The following SPTLC2 variants were observed in gnomAD, a reference collection of about 807,000 sequenced individuals.
SPTLC2 encodes serine palmitoyltransferase long chain base subunit 2.
In SPTLC2, 21 loss-of-function variants were observed where a neutral mutation model predicts 62.0. The ratio of observed to expected loss-of-function variants is 0.34; its 90% CI spans 0.24 to 0.49. The LOEUF is 0.49. Ranked by LOEUF, SPTLC2 falls within the 20% of genes least tolerant of loss-of-function variation. The pLI is 0.99. For synonymous variants in SPTLC2, 261 were observed against 261.8 expected (o/e 1.00, Z 0.03); for missense variants, 511 against 713.0 (o/e 0.72, Z 3.23).
intron 6 of SPTLC2, among the ~76,000 whole-genome samples, chr14:77,561,742 C>T (rs751685654): frequency 6.6e-5 from 10 of 152,158 alleles, no homozygotes; most frequent in Non-Finnish European, 1.0e-4. Context: ...TATGATCCTT[C>T]CATCCACGGG....
At chr14:77,571,436 G>A (rs2079682038) in intron 4 of SPTLC2, among the ~76,000 whole-genome samples, 1 of 150,866 alleles carries the variant, frequency 6.6e-6, no homozygotes, top group Non-Finnish European at 1.5e-5. Context: ...TTGAACCTGG[G>A]AGGCAGAGGT....
At position 77,510,827 on chromosome 14, in the gene SPTLC2, G is replaced by GT. The variant is rs1315016378; in HGVS notation, c.*1456dup. 7 of 152,514 alleles carry GT rather than the reference G, an allele frequency of 4.6e-5. No individual in the cohort carries two copies. The highest frequency in any genetic ancestry group is 8.8e-5 in the Non-Finnish European group (6 of 68,008). The allele number at this position is 152,514 out of a possible 1,614,324, so 9.4% of individuals were successfully genotyped here. On this transcript the variant is annotated 3_prime_UTR_variant, in exon 12 of 12. Coordinates refer to ENST00000216484, the MANE Select transcript of SPTLC2 (RefSeq NM_004863.4). ...CCATTCTGTTCCCAATCCTTCTCCTGTAATACTTGATGGATACAAAAAGAC... is the reference window on the plus strand; with the variant it reads ...CCATTCTGTTCCCAATCCTTCTCCTGTTAATACTTGATGGATACAAAAAGAC...
chr14:77,592,939 TA>T (rs1432398934), intron 2 of SPTLC2, among the ~76,000 whole-genome samples: 1 of 151,896 alleles, frequency 6.6e-6, no homozygotes, highest in East Asian at 1.9e-4. Context: ...TTGTATCTAC[TA>T]AAAATACAAA....
chr14:77,555,433 C>T lies in SPTLC2; in HGVS notation c.1043G>A (p.Ser348Asn). Reference sequence around the variant, plus strand: ...GCCTGTGGGGCCCAGGGCGCCAATGCTGTGAGCCTCATCCAGATACAAGTA... The same window carrying T: ...GCCTGTGGGGCCCAGGGCGCCAATGTTGTGAGCCTCATCCAGATACAAGTA... ...KAYLYLDEAH[S>N]IGALGPTGRG... Residue 348 changes from serine to asparagine, a missense_variant, in exon 8 of 12, where the codon AGC becomes AAC. Coordinates refer to ENST00000216484, the MANE Select transcript of SPTLC2 (RefSeq NM_004863.4). 1 of 1,614,224 alleles carries T rather than the reference C, an allele frequency of 6.2e-7. No individual in the cohort carries two copies. Among genetic ancestry groups the T allele is most frequent in the Non-Finnish European group, 8.5e-7 (1 of 1,180,042 alleles).
intron 5 of SPTLC2, among the ~76,000 whole-genome samples, chr14:77,565,242 CAAAAAAAAAAAAA>C (rs59356054): frequency 5.9e-5 from 2 of 33,692 alleles, no homozygotes; most frequent in Non-Finnish European, 9.9e-5. Context: ...AACTCCATCT[CAAAAAAAAAAAAA>C]AAAAAAAAAA....
In SPTLC2 at chr14:77,608,849, C is replaced by T. The variant is rs544762560; in HGVS notation, c.132+7599G>A. ...CAGGAGAATCATTTGAACTTGGAGG[C>T]GGAGGTTGCAGTGAGCCGAGATCAC... On this transcript the variant is annotated intron_variant, in intron 1 of 11. Transcript: ENST00000216484. 4.6e-5 allele frequency among the ~76,000 whole-genome samples: 7 copies of T among 151,100 alleles called. No homozygotes were observed. The South Asian group carries it at 1.5e-3, about 32-fold the overall frequency.
rs1355725205 is a variant in SPTLC2, at chr14:77,576,902, T to A, written c.496A>T (p.Ile166Leu). ...YNWSFKYTGN[I>L]IKGVINMGSY... The stretch of plus-strand genomic sequence containing the variant: ...CCCATGTTTATAACACCCTTTATTA[T>A]ATTCCCTGTATACCTGTGCATCAAT... The change falls in exon 4 of 12, where the codon ATA (isoleucine) becomes TTA (leucine). Residue 166 changes from isoleucine to leucine, a missense_variant. By Grantham distance (5) the Ile-to-Leu change is conservative. Transcript: ENST00000216484. The A allele has an allele frequency of 3.1e-6, 5 of 1,614,136 alleles. No homozygotes were observed. The highest frequency in any genetic ancestry group is 4.2e-6 in the Non-Finnish European group (5 of 1,180,032).
chr14:77,567,139 T>C (rs1159507285), intron 5 of SPTLC2, among the ~76,000 whole-genome samples: 1 of 151,660 alleles, frequency 6.6e-6, no homozygotes, highest in Non-Finnish European at 1.5e-5. Flanking sequence ...CCCGGCTAAT[T>C]TGTTGTATTT....
chr14:77,593,756 C>G (rs2079831726), intron 2 of SPTLC2, among the ~76,000 whole-genome samples: 1 of 152,166 alleles, frequency 6.6e-6, no homozygotes, highest in East Asian at 1.9e-4. Flanking sequence ...GAATACCACT[C>G]TCTCAGTGAA....
intron 9 of SPTLC2, among the ~76,000 whole-genome samples, chr14:77,525,620 A>T (rs986637608): frequency 1.3e-5 from 2 of 151,064 alleles, no homozygotes; most frequent in South Asian, 4.2e-4. Context: ...AAAAAAATTT[A>T]AAAAGGAGGG....
intron 8 of SPTLC2, among the ~76,000 whole-genome samples, chr14:77,554,598 T>G (rs2079572864): frequency 6.6e-6 from 1 of 152,236 alleles, no homozygotes; most frequent in East Asian, 1.9e-4. Flanking sequence ...AAACCCTTAC[T>G]ACAATCTTAC....
At chr14:77,539,506 T>TTTTTTG (rs374182497) in intron 9 of SPTLC2, among the ~76,000 whole-genome samples, 4 of 80,158 alleles carry the variant, frequency 5.0e-5, no homozygotes, top group East Asian at 5.2e-4. Flanking sequence ...TTTTTTTTTT[T>TTTTTTG]GGAGATGGGG....
rs915278820 is a variant in SPTLC2, at chr14:77,569,773, A to ATAATATG, written c.756+604_756+610dup. The stretch of plus-strand genomic sequence containing the variant: ...ACTTGGGGATATATATATTATATAT[A>ATAATATG]TAATATGTAATATGTAATATATATA... On this transcript the variant is annotated intron_variant, in intron 5 of 11. Coordinates refer to ENST00000216484, the MANE Select transcript of SPTLC2 (RefSeq NM_004863.4). Among the ~76,000 whole-genome samples, 3 of 135,408 alleles carry ATAATATG rather than the reference A, an allele frequency of 2.2e-5. No individual in the cohort carries two copies. In the Admixed American group the frequency reaches 2.5e-4, roughly 11 times the overall value. The allele number at this position is 135,408 out of a possible 152,430, so 88.8% of individuals were successfully genotyped here.
At chr14:77,542,451 G>C (rs899920295) in intron 9 of SPTLC2, among the ~76,000 whole-genome samples, 1 of 152,168 alleles carries the variant, frequency 6.6e-6, no homozygotes, top group Non-Finnish European at 1.5e-5. Flanking sequence ...TCGTGCCCCA[G>C]AGAACAGTCT....
intron 9 of SPTLC2, among the ~76,000 whole-genome samples, chr14:77,530,721 G>C (rs2079433985): frequency 6.6e-6 from 1 of 152,192 alleles, no homozygotes; most frequent in Non-Finnish European, 1.5e-5. Flanking sequence ...CTGATGCCCA[G>C]TGAGGTTACA....
Position 77,579,267 on chromosome 14 carries a change from G to A in SPTLC2, c.328-158C>T, listed in dbSNP as rs986307911. 7.2e-5 allele frequency among the ~76,000 whole-genome samples: 11 copies of A among 152,004 alleles called. No individual in the cohort carries two copies. In the East Asian group the frequency reaches 1.2e-3, roughly 16 times the overall value. On this transcript the variant is annotated intron_variant, in intron 2 of 11. Transcript: ENST00000216484. ...GTAATGGACAAGTCAGGGATTTTACGGTATCAGTCATTCAAATAACACACA... is the reference window on the plus strand; with the variant it reads ...GTAATGGACAAGTCAGGGATTTTACAGTATCAGTCATTCAAATAACACACA...
At chr14:77,581,405 C>CT (rs1159561282) in intron 2 of SPTLC2, among the ~76,000 whole-genome samples, 1,781 of 93,974 alleles carry the variant, frequency 0.019, 77 homozygotes, top group African/African-American at 0.052. Context: ...TACCATCTCT[C>CT]TTTTTTTTTT....
intron 2 of SPTLC2, among the ~76,000 whole-genome samples, chr14:77,595,631 A>G (rs900941841): frequency 1.3e-5 from 2 of 152,138 alleles, no homozygotes; most frequent in Non-Finnish European, 2.9e-5. Context: ...GAATCCATGT[A>G]TCTACTGACT....
intron 9 of SPTLC2, among the ~76,000 whole-genome samples, chr14:77,529,581 C>CT (rs1307124400): frequency 8.1e-5 from 11 of 135,606 alleles, no homozygotes; most frequent in East Asian, 7.3e-4. Flanking sequence ...TTAATGTTTG[C>CT]TTTTTTTCAC....
Sources: gnomAD v4.1 joint callset for allele counts (sites outside exome capture counted in the v4.1 genomes callset) on GRCh38, gnomAD v4.1.1 for gene constraint, MANE v1.5 for transcripts, NCBI Gene and HGNC (gene_info 2026-07-23, HGNC 2026-07-21) for gene names.